The following NLGN1 variants were observed in gnomAD, a reference collection of about 807,000 sequenced individuals.
NLGN1 encodes neuroligin 1.
NLGN1 carries 12 observed loss-of-function variants against 65.5 expected under a neutral mutation model. The ratio of observed to expected loss-of-function variants is 0.18; its 90% CI spans 0.12 to 0.30. NLGN1 has a LOEUF of 0.30. NLGN1 is among the 10% of genes least tolerant of loss of function. The probability of loss-of-function intolerance (pLI) is 1.00; values close to 1 mark genes in which losing one functional copy is unlikely to be tolerated. For missense variants in NLGN1, 750 were observed against 1,007.1 expected (o/e 0.74, Z 3.46); for synonymous variants, 350 against 359.5 (o/e 0.97, Z 0.30).
intron 4 of NLGN1, among the ~76,000 whole-genome samples, chr3:173,888,535 A>T (rs770189663): frequency 8.5e-5 from 13 of 152,074 alleles, no homozygotes; most frequent in Admixed American, 3.3e-4. Flanking sequence ...GAACTTGCAG[A>T]TACAGAGGCC....
intron 4 of NLGN1, among the ~76,000 whole-genome samples, chr3:174,075,072 A>T (rs1560981471): frequency 6.6e-6 from 1 of 152,162 alleles, no homozygotes; most frequent in Non-Finnish European, 1.5e-5. Context: ...TGGAGTGGCT[A>T]ACAGACCCTT....
intron 3 of NLGN1, chr3:173,789,782 T>C (rs576389750): frequency 2.2e-6 from 1 of 461,636 alleles, no homozygotes; most frequent in Middle Eastern, 3.3e-4. Flanking sequence ...CATCCTTCCT[T>C]GGATTAAGCA....
chr3:173,583,432 T>C (rs973257659), intron 2 of NLGN1, among the ~76,000 whole-genome samples: 1 of 152,224 alleles, frequency 6.6e-6, no homozygotes, highest in Non-Finnish European at 1.5e-5. Flanking sequence ...CAAAGTCACA[T>C]AGCCAATTAA....
At chr3:174,252,221 C>G (rs1326445119) in intron 4 of NLGN1, among the ~76,000 whole-genome samples, 1 of 152,084 alleles carries the variant, frequency 6.6e-6, no homozygotes, top group Non-Finnish European at 1.5e-5. Context: ...AAAAATACCC[C>G]TACTTGTCTA....
chr3:174,210,174 CCTCA>C (rs1736192082), intron 4 of NLGN1, among the ~76,000 whole-genome samples: 1 of 152,154 alleles, frequency 6.6e-6, no homozygotes, highest in African/African-American at 2.4e-5. Flanking sequence ...CCAACTCCAT[CCTCA>C]CTCACAAGCA....
At chr3:174,288,432 T>C (rs2152902236), downstream of NLGN1, among the ~76,000 whole-genome samples, 1 of 151,630 alleles carries the variant, frequency 6.6e-6, no homozygotes, top group African/African-American at 2.4e-5. Context: ...TGGGTCTGAA[T>C]TCTAAAACAG....
At chr3:173,964,565 T>C (rs1255925364) in intron 4 of NLGN1, among the ~76,000 whole-genome samples, 1 of 152,178 alleles carries the variant, frequency 6.6e-6, no homozygotes, top group Non-Finnish European at 1.5e-5. Flanking sequence ...CTTAACAGCA[T>C]CCTGAGTATT....
intron 2 of NLGN1, among the ~76,000 whole-genome samples, chr3:173,448,570 G>A (rs1293333344): frequency 4.6e-5 from 7 of 152,178 alleles, no homozygotes; most frequent in Non-Finnish European, 8.8e-5. Flanking sequence ...GATGATGCTG[G>A]CCTCATAAAA....
chr3:173,448,318 A>T (rs1285715187), intron 2 of NLGN1, among the ~76,000 whole-genome samples: 1 of 152,208 alleles, frequency 6.6e-6, no homozygotes, highest in Non-Finnish European at 1.5e-5. Context: ...TATTGAGATA[A>T]TCATGTGATT....
intron 3 of NLGN1, among the ~76,000 whole-genome samples, chr3:173,651,714 A>G (rs1019489108): frequency 5.3e-5 from 8 of 152,084 alleles, no homozygotes; most frequent in Non-Finnish European, 8.8e-5. Context: ...ATGGTTAGTG[A>G]TGTTGAGCAT....
intron 4 of NLGN1, among the ~76,000 whole-genome samples, chr3:174,221,716 A>G (rs1040142320): frequency 2.0e-5 from 3 of 152,188 alleles, no homozygotes; most frequent in South Asian, 4.1e-4. Context: ...CTAAAGTCCA[A>G]TGTAAAGTTG....
intron 3 of NLGN1, among the ~76,000 whole-genome samples, chr3:173,737,109 G>A (rs1308440765): frequency 6.6e-6 from 1 of 151,894 alleles, no homozygotes; most frequent in African/African-American, 2.4e-5. Context: ...TCCACTGGTA[G>A]TTTATTTGTA....
chr3:173,475,431 C>T (rs1352883122), intron 2 of NLGN1, among the ~76,000 whole-genome samples: 1 of 152,134 alleles, frequency 6.6e-6, no homozygotes, highest in Non-Finnish European at 1.5e-5. Flanking sequence ...CTCTAACATG[C>T]TGTCTCAAAC....
At chr3:173,860,172 C>CT (rs1728783835) in intron 4 of NLGN1, among the ~76,000 whole-genome samples, 1 of 151,810 alleles carries the variant, frequency 6.6e-6, no homozygotes, top group Admixed American at 6.6e-5. Context: ...TTTCTAGTTT[C>CT]TTTTTTTCAT....
intron 2 of NLGN1, among the ~76,000 whole-genome samples, chr3:173,436,486 A>C (rs761566700): frequency 1.4e-4 from 22 of 152,308 alleles, no homozygotes; most frequent in Admixed American, 8.5e-4. Flanking sequence ...ACATTAGGGA[A>C]GTCAAATAGG....
At chr3:173,807,593 CTT>C in intron 3 of NLGN1, 85 bp from the exon 4 acceptor site, 1 of 1,466,254 alleles carries the variant, frequency 6.8e-7, no homozygotes, top group Admixed American at 2.1e-5. Context: ...ATTATGCCCT[CTT>C]TTCACTAAGA....
At chr3:174,085,789 A>T (rs1743112802) in intron 4 of NLGN1, among the ~76,000 whole-genome samples, 1 of 152,074 alleles carries the variant, frequency 6.6e-6, no homozygotes. Flanking sequence ...AAAAAGATTT[A>T]AAAATACATA....
chr3:173,399,361 T>A (rs1206078849), intron 1 of NLGN1, among the ~76,000 whole-genome samples: 1 of 152,196 alleles, frequency 6.6e-6, no homozygotes. Context: ...AAGAAAAGCT[T>A]CTTTAGTTCC....
chr3:173,804,203 T>G (rs930567308), intron 3 of NLGN1, among the ~76,000 whole-genome samples: 75 of 152,244 alleles, frequency 4.9e-4, no homozygotes, highest in African/African-American at 1.7e-3. Context: ...AATGCTTGTG[T>G]TTAGTAAGGC....
Sources: gnomAD v4.1 joint callset for allele counts (sites outside exome capture counted in the v4.1 genomes callset) on GRCh38, gnomAD v4.1.1 for gene constraint, MANE v1.5 for transcripts, NCBI Gene and HGNC (gene_info 2026-07-23, HGNC 2026-07-21) for gene names.